The following ADGRF5 variants were observed in gnomAD, a reference collection of about 807,000 sequenced individuals.
ADGRF5 encodes G-protein coupled receptor 116.
In ADGRF5, 75 loss-of-function variants were observed where a neutral mutation model predicts 132.3. The ratio of observed to expected loss-of-function variants is 0.57; its 90% CI spans 0.47 to 0.69. ADGRF5 has a LOEUF of 0.69. Ranked by LOEUF, ADGRF5 falls within the 30% of genes least tolerant of loss-of-function variation. The pLI is 0.00. For missense variants in ADGRF5, 1,516 were observed against 1,630.6 expected, an observed-to-expected ratio of 0.93 and a Z score of 1.21; for synonymous variants, 629 against 597.6, an observed-to-expected ratio of 1.05 and a Z score of -0.77.
chr6:46,942,376 TA>T (rs1475661945), intron 1 of ADGRF5, among the ~76,000 whole-genome samples: 1 of 152,218 alleles, frequency 6.6e-6, no homozygotes, highest in Non-Finnish European at 1.5e-5. Flanking sequence ...AATGAATCCC[TA>T]ACGCAGCACG....
intron 1 of ADGRF5, among the ~76,000 whole-genome samples, chr6:46,932,884 A>G (rs1173609249): frequency 6.6e-6 from 1 of 152,204 alleles, no homozygotes; most frequent in Non-Finnish European, 1.5e-5. Flanking sequence ...AGAATACATA[A>G]TATGTCATGC....
Position 46,877,306 on chromosome 6 carries a change from T to TCTCC in ADGRF5, c.1240+895_1240+896insGGAG, listed in dbSNP as rs369575219. Among the ~76,000 whole-genome samples, 407 of 77,016 alleles carry TCTCC rather than the reference T, an allele frequency of 5.3e-3. 4 individuals are homozygous for TCTCC. Among genetic ancestry groups the TCTCC allele is most frequent in the Non-Finnish European group, 5.4e-3 (216 of 39,824 alleles). The allele number at this position is 77,016 out of a possible 152,430, so 50.5% of individuals were successfully genotyped here. On this transcript the variant is annotated intron_variant, in intron 10 of 20. Coordinates refer to ENST00000283296, the MANE Select transcript of ADGRF5 (RefSeq NM_001098518.2). The stretch of plus-strand genomic sequence containing the variant: ...TTCTTTCTTTCTCTCTCTCTCTCTC[T>TCTCC]TTCCTTCCTTCCTTCCTTCTTTCTT...
chr6:46,893,058 ATTTT>A (rs35014340), intron 3 of ADGRF5, among the ~76,000 whole-genome samples: 78 of 86,734 alleles, frequency 9.0e-4, no homozygotes, highest in African/African-American at 3.1e-3. Context: ...GACAACAGGG[ATTTT>A]TTTTTTTTTT....
At chr6:46,949,322 T>G (rs1257726654) in intron 1 of ADGRF5, among the ~76,000 whole-genome samples, 4 of 152,348 alleles carry the variant, frequency 2.6e-5, no homozygotes, top group African/African-American at 7.2e-5. Context: ...CTGCAAGTTC[T>G]TTGAGTCCAC....
At chr6:46,952,365 A>T (rs1442284922) in intron 1 of ADGRF5, among the ~76,000 whole-genome samples, 2 of 152,200 alleles carry the variant, frequency 1.3e-5, no homozygotes, top group African/African-American at 4.8e-5. Context: ...ACTCACATCT[A>T]TATTGTTTGC....
intron 10 of ADGRF5, among the ~76,000 whole-genome samples, chr6:46,877,280 T>TC (rs1771839924): frequency 8.9e-5 from 4 of 44,790 alleles, no homozygotes; most frequent in South Asian, 5.6e-4. Flanking sequence ...TCTTTCTTTC[T>TC]TTCTTTCTTT....
intron 1 of ADGRF5, among the ~76,000 whole-genome samples, chr6:46,907,243 G>T (rs1385164188): frequency 2.6e-5 from 4 of 152,104 alleles, no homozygotes; most frequent in African/African-American, 9.7e-5. Context: ...TATGAAAACT[G>T]CTGGACTTGG....
At chr6:46,889,272 T>A (rs1024415701) in intron 3 of ADGRF5, among the ~76,000 whole-genome samples, 1 of 146,730 alleles carries the variant, frequency 6.8e-6, no homozygotes, top group Non-Finnish European at 1.5e-5. Context: ...TAGACTACTA[T>A]ATATACTATA....
chr6:46,913,265 AG>A (rs547604855), intron 1 of ADGRF5, among the ~76,000 whole-genome samples: 1 of 152,124 alleles, frequency 6.6e-6, no homozygotes, highest in African/African-American at 2.4e-5. Flanking sequence ...TGGAAGGCCA[AG>A]GGGGGCGGAT....
chr6:46,865,256 G>T, intron 13 of ADGRF5, 59 bp from the exon 14 acceptor site: 3 of 1,213,360 alleles, frequency 2.5e-6, no homozygotes, highest in Non-Finnish European at 3.6e-6. Flanking sequence ...TGCACAAATT[G>T]TGTTAAGATA....
At chr6:46,911,014 A>C (rs1289964876) in intron 1 of ADGRF5, among the ~76,000 whole-genome samples, 1 of 152,174 alleles carries the variant, frequency 6.6e-6, no homozygotes, top group African/African-American at 2.4e-5. Context: ...AATCATAACT[A>C]TCTTGCATTT....
At chr6:46,879,636 A>G (rs1436553962) in intron 9 of ADGRF5, among the ~76,000 whole-genome samples, 182 bp downstream of exon 9, 2 of 152,232 alleles carry the variant, frequency 1.3e-5, no homozygotes, top group East Asian at 3.8e-4. Flanking sequence ...AGTTCTTTAC[A>G]GCAGTGTAAA....
At chr6:46,907,477 T>C (rs1297214185) in intron 1 of ADGRF5, among the ~76,000 whole-genome samples, 2 of 152,150 alleles carry the variant, frequency 1.3e-5, no homozygotes, top group Non-Finnish European at 2.9e-5. Context: ...AGTGCCAGGA[T>C]TACAGACGTA....
intron 10 of ADGRF5, among the ~76,000 whole-genome samples, chr6:46,875,671 G>C (rs1049153681): frequency 1.3e-5 from 2 of 152,082 alleles, no homozygotes; most frequent in Non-Finnish European, 2.9e-5. Flanking sequence ...CAGCTACTCG[G>C]GAGGCTGAGG....
Position 46,867,050 on chromosome 6 carries a change from T to C in ADGRF5, c.1709A>G (p.Asn570Ser). 6.2e-7 allele frequency: 1 copy of C among 1,613,762 alleles called. No individual in the cohort carries two copies. The highest frequency in any genetic ancestry group is 8.5e-7 in the Non-Finnish European group (1 of 1,179,624). The change falls in exon 13 of 21, where the codon AAC becomes AGC. Residue 570 changes from asparagine to serine, a missense_variant. By Grantham distance (46) the Asn-to-Ser change is conservative (BLOSUM62 1). Around this residue, in one of 2 missense-constraint regions of ADGRF5, gnomAD observed 945 missense variants for 929.4 expected, o/e 1.02. Transcript: ENST00000283296. ...VIVHPLPLKL[N>S]IMVDPLEATV... The stretch of plus-strand genomic sequence containing the variant: ...AGCTTCCAAAGGATCAACCATGATG[T>C]TCAGCTTTAGAGGCAGCGGGTGAAC...
chr6:46,905,697 A>C (rs1355649382), intron 2 of ADGRF5, among the ~76,000 whole-genome samples: 3 of 152,168 alleles, frequency 2.0e-5, no homozygotes, highest in African/African-American at 7.2e-5. Context: ...TAGGACAAAG[A>C]AGGGCATTTT....
chr6:46,911,700 G>A (rs923691579), intron 1 of ADGRF5, among the ~76,000 whole-genome samples: 2 of 152,110 alleles, frequency 1.3e-5, no homozygotes, highest in Admixed American at 1.3e-4. Flanking sequence ...TCTATTGCAC[G>A]AAGTAAATCT....
At chr6:46,926,478 G>T (rs1777246528), upstream of ADGRF5, among the ~76,000 whole-genome samples, 1 of 19,672 alleles carries the variant, frequency 5.1e-5, no homozygotes, top group Non-Finnish European at 9.1e-5. Context: ...CAGCATCTCG[G>T]GTGAGGGGGG....
chr6:46,951,677 GC>G (rs1248646335), intron 1 of ADGRF5, among the ~76,000 whole-genome samples: 4 of 152,166 alleles, frequency 2.6e-5, no homozygotes, highest in Admixed American at 2.6e-4. Flanking sequence ...TTTCCTGGCT[GC>G]TTTCCTAAAG....
Sources: allele counts gnomAD v4.1 joint callset (sites outside exome capture counted in the v4.1 genomes callset), GRCh38; gene constraint gnomAD v4.1.1; regional missense constraint gnomAD v4.1.1; transcripts MANE v1.5; gene names NCBI Gene and HGNC (gene_info 2026-07-23, HGNC 2026-07-21).